Variants in KIAA1328 observed in about 807,000 individuals in gnomAD.
KIAA1328 encodes the protein protein hinderin.
KIAA1328 carries 52 observed loss-of-function variants against 68.1 expected under a neutral mutation model. The observed-to-expected ratio is 0.76, with a 90% CI of 0.61 to 0.96. The LOEUF is 0.96. Ranked by LOEUF, KIAA1328 falls within the 40% of genes least tolerant of loss-of-function variation. The probability of loss-of-function intolerance (pLI) is 0.00; values close to 1 mark genes in which losing one functional copy is unlikely to be tolerated. For synonymous variants in KIAA1328, 232 were observed against 239.4 expected (o/e 0.97, Z 0.28); for missense variants, 641 against 677.6 (o/e 0.95, Z 0.60).
chr18:36,938,075 T>C (rs1329367280), intron 5 of KIAA1328, among the ~76,000 whole-genome samples: 2 of 152,190 alleles, frequency 1.3e-5, no homozygotes, highest in African/African-American at 4.8e-5. Flanking sequence ...TGTGCAGGTG[T>C]CTCTTCAGCA....
chr18:36,933,013 T>G (rs2050367838), intron 5 of KIAA1328, among the ~76,000 whole-genome samples: 2 of 152,318 alleles, frequency 1.3e-5, no homozygotes, highest in South Asian at 4.1e-4. Flanking sequence ...AGAATTGCTC[T>G]GAGAAGAGAC....
intron 5 of KIAA1328, among the ~76,000 whole-genome samples, chr18:36,902,680 G>A (rs906594369): frequency 5.9e-5 from 9 of 151,864 alleles, no homozygotes; most frequent in African/African-American, 1.9e-4. Context: ...TTACCTGCTT[G>A]GTTATATTTA....
chr18:36,913,135 G>A (rs2151077696), intron 5 of KIAA1328, among the ~76,000 whole-genome samples: 1 of 152,168 alleles, frequency 6.6e-6, no homozygotes, highest in South Asian at 2.1e-4. Flanking sequence ...GGGAGTCTGA[G>A]AGTCTTTTTT....
intron 5 of KIAA1328, among the ~76,000 whole-genome samples, chr18:36,889,689 C>A (rs1234769269): frequency 1.3e-5 from 2 of 152,146 alleles, no homozygotes; most frequent in African/African-American, 4.8e-5. Context: ...AGATTCTTTA[C>A]ATTATATGTG....
At chr18:36,962,095 G>A (rs1369811314) in intron 6 of KIAA1328, among the ~76,000 whole-genome samples, 1 of 152,118 alleles carries the variant, frequency 6.6e-6, no homozygotes, top group Non-Finnish European at 1.5e-5. Context: ...ACACACATAG[G>A]CTCAAAATAA....
intron 5 of KIAA1328, among the ~76,000 whole-genome samples, chr18:36,888,783 A>G (rs573171050): frequency 3.3e-5 from 5 of 152,312 alleles, no homozygotes; most frequent in Admixed American, 2.0e-4. Flanking sequence ...AAACAAGGTT[A>G]TAATTTAAAA....
chr18:36,896,993 C>CA (rs2048887048), intron 5 of KIAA1328, among the ~76,000 whole-genome samples: 1 of 151,992 alleles, frequency 6.6e-6, no homozygotes, highest in Non-Finnish European at 1.5e-5. Context: ...GTAATACTCT[C>CA]ACTTAAGTTA....
At chr18:36,964,883 T>G (rs2051850404) in intron 6 of KIAA1328, among the ~76,000 whole-genome samples, 1 of 149,708 alleles carries the variant, frequency 6.7e-6, no homozygotes, top group African/African-American at 2.4e-5. Flanking sequence ...TATAGGAGTG[T>G]GTTACTTCTT....
chr18:36,872,991 T>G (rs1474135583), intron 4 of KIAA1328, among the ~76,000 whole-genome samples: 1 of 152,178 alleles, frequency 6.6e-6, no homozygotes, highest in Non-Finnish European at 1.5e-5. Flanking sequence ...TCAACTTTGA[T>G]CTTTCTGAGG....
intron 4 of KIAA1328, among the ~76,000 whole-genome samples, chr18:36,884,269 T>C (rs1374625056): frequency 6.6e-6 from 1 of 152,156 alleles, no homozygotes; most frequent in Non-Finnish European, 1.5e-5. Flanking sequence ...GTCTGAATTC[T>C]CTGTAAATAT....
chr18:37,082,316 C>G (rs2056975960), intron 7 of KIAA1328, among the ~76,000 whole-genome samples: 1 of 151,920 alleles, frequency 6.6e-6, no homozygotes, highest in South Asian at 2.1e-4. Flanking sequence ...GGATTACAGG[C>G]ACCTGCCACC....
chr18:36,920,980 G>C (rs1316231127), intron 5 of KIAA1328: 1 of 152,208 alleles, frequency 6.6e-6, no homozygotes, highest in East Asian at 1.9e-4. Context: ...GGTTCCGTTA[G>C]TATTTCCTTT....
rs192761710 is a variant in KIAA1328 at position 37,030,894 on chromosome 18, C to A, written c.577-35996C>A. Among the ~76,000 whole-genome samples the A allele has an allele frequency of 1.3e-3, 204 of 151,986 alleles. 2 individuals are homozygous for A. The highest frequency in any genetic ancestry group is 2.4e-4 in the Non-Finnish European group (16 of 67,998). ...TCCCCGCCCTGTGTCCAAGTCTTCT[C>A]ATTGTTCAATTCCCACCTATAAGTG... is the stretch of plus-strand genomic sequence containing the variant. On this transcript the variant is annotated intron_variant, in intron 6 of 9. Transcript: ENST00000280020.
At chr18:36,963,015 A>G (rs2051758774) in intron 6 of KIAA1328, among the ~76,000 whole-genome samples, 1 of 152,254 alleles carries the variant, frequency 6.6e-6, no homozygotes, top group Non-Finnish European at 1.5e-5. Context: ...CCTTCAAAAA[A>G]TCAATGAATC....
rs950698584 is a variant in KIAA1328, at chr18:37,095,547, A to G, written c.1232+28002A>G. 2.0e-5 allele frequency among the ~76,000 whole-genome samples: 3 copies of G among 152,280 alleles called. 1 individual carries two copies. The East Asian group carries it at 5.8e-4, about 29-fold the overall frequency. On this transcript the variant is annotated intron_variant, in intron 7 of 9. Transcript: ENST00000280020. ...AAACAAATGAAAATGGAAACATAAC[A>G]TACCAAAACCTATGGGATACAGAAA...
intron 4 of KIAA1328, among the ~76,000 whole-genome samples, chr18:36,877,682 T>A (rs531357791): frequency 2.7e-5 from 4 of 148,118 alleles, no homozygotes; most frequent in Admixed American, 1.3e-4. Flanking sequence ...TTTTTTTTTT[T>A]TTGAGATGGA....
intron 5 of KIAA1328, among the ~76,000 whole-genome samples, chr18:36,911,367 G>C (rs193107859): frequency 6.6e-6 from 1 of 152,190 alleles, no homozygotes; most frequent in Non-Finnish European, 1.5e-5. Context: ...GCCATCAAAA[G>C]GCATGACATT....
intron 7 of KIAA1328, 67 bp downstream of exon 7, chr18:37,067,612 G>GT: frequency 7.1e-7 from 1 of 1,414,456 alleles, no homozygotes; most frequent in Non-Finnish European, 9.3e-7. Context: ...CCAGGCTGGA[G>GT]TGTAGTGGCA....
At chr18:37,135,737 T>C (rs1481514179) in intron 7 of KIAA1328, among the ~76,000 whole-genome samples, 1 of 152,224 alleles carries the variant, frequency 6.6e-6, no homozygotes, top group Non-Finnish European at 1.5e-5. Flanking sequence ...TTTGAGGACT[T>C]AATCGTAAAT....
Sources: allele counts gnomAD v4.1 joint callset (sites outside exome capture counted in the v4.1 genomes callset), GRCh38; gene constraint gnomAD v4.1.1; transcripts MANE v1.5; gene names NCBI Gene and HGNC (gene_info 2026-07-23, HGNC 2026-07-21).